Variants in LGALS9 observed in about 807,000 individuals in gnomAD.
LGALS9 encodes the protein galectin 9.
LGALS9 carries 26 observed loss-of-function variants against 35.9 expected under a neutral mutation model. The ratio of observed to expected loss-of-function variants is 0.72; its 90% CI spans 0.53 to 1.01. The LOEUF is 1.01. LGALS9 is among the 50% of genes least tolerant of loss of function. The pLI, the probability that LGALS9 is intolerant of heterozygous loss-of-function variation, is 0.00. For missense variants in LGALS9, 347 were observed against 445.8 expected, an observed-to-expected ratio of 0.78 and a Z score of 1.99; for synonymous variants, 149 against 172.2, an observed-to-expected ratio of 0.87 and a Z score of 1.06.
chr17:27,632,996 T>C (rs868027745), intron 1 of LGALS9, among the ~76,000 whole-genome samples: 5 of 151,912 alleles, frequency 3.3e-5, no homozygotes, highest in Admixed American at 2.0e-4. Flanking sequence ...ACTTCTTGTC[T>C]GGCCTCATCT....
At chr17:27,647,236 G>T in intron 9 of LGALS9, 34 bp from the exon 10 acceptor site, 1 of 1,613,452 alleles carries the variant, frequency 6.2e-7, no homozygotes, top group Non-Finnish European at 8.5e-7. Context: ...TCAGAATTCG[G>T]TGGATAAAGG....
At position 27,631,225 on chromosome 17, in the gene LGALS9, T is replaced by G. The variant is rs1187611370; in HGVS notation, c.-41T>G. The G allele has an allele frequency of 1.2e-6, 2 of 1,614,012 alleles. No homozygotes were observed. Among genetic ancestry groups the G allele is most frequent in the Non-Finnish European group, 1.7e-6 (2 of 1,179,930 alleles). ...GTTCCCTCTACAAAGGACTTCCTAG[T>G]GGGTGTGAAAGGCAGCGGTGGCCAC... On this transcript the variant is annotated 5_prime_UTR_variant, in exon 1 of 11. Coordinates refer to ENST00000395473, the MANE Select transcript of LGALS9 (RefSeq NM_009587.3).
intron 2 of LGALS9, among the ~76,000 whole-genome samples, chr17:27,640,151 A>G (rs753224920): frequency 3.9e-5 from 6 of 151,958 alleles, no homozygotes; most frequent in Non-Finnish European, 5.9e-5. Flanking sequence ...CCAATTTCAC[A>G]TGCTCTTTAC....
intron 1 of LGALS9, among the ~76,000 whole-genome samples, chr17:27,633,900 T>G (rs1308195087): frequency 6.6e-6 from 1 of 152,212 alleles, no homozygotes; most frequent in African/African-American, 2.4e-5. Flanking sequence ...GTCAAGTGAC[T>G]TGGCCAGTGT....
intron 1 of LGALS9, among the ~76,000 whole-genome samples, chr17:27,631,868 T>A (rs1285055832): frequency 1.3e-5 from 2 of 151,922 alleles, no homozygotes. Flanking sequence ...TTCATGTTAT[T>A]GGGTGTCTGA....
chr17:27,632,175 G>T (rs886292124), intron 1 of LGALS9, among the ~76,000 whole-genome samples: 4 of 151,790 alleles, frequency 2.6e-5, no homozygotes, highest in Non-Finnish European at 5.9e-5. Context: ...GTCCTGGGCC[G>T]GCTCCTGTCA....
chr17:27,645,786 G>C (rs573490933), intron 6 of LGALS9, 75 bp from the exon 7 acceptor site: 6 of 1,253,404 alleles, frequency 4.8e-6, no homozygotes, highest in African/African-American at 1.5e-5. Context: ...GGTGCCTGCC[G>C]TGTGGCGCCC....
intron 10 of LGALS9, 149 bp downstream of exon 10, chr17:27,647,581 A>ATTATTC: frequency 4.3e-6 from 5 of 1,173,062 alleles, no homozygotes; most frequent in Non-Finnish European, 4.7e-6. Flanking sequence ...ACAAATTATT[A>ATTATTC]TTATTATTAC....
At chr17:27,647,510 C>A (rs1382141161) in intron 10 of LGALS9, 78 bp downstream of exon 10, 1 of 1,576,698 alleles carries the variant, frequency 6.3e-7, no homozygotes, top group South Asian at 1.1e-5. Context: ...TTTGAGGTAC[C>A]TTGAACAGTA....
rs576069300 is a variant in LGALS9 at position 27,647,595 on chromosome 17, C to A, written c.921+163C>A. 1.7e-4 allele frequency among the ~76,000 whole-genome samples: 23 copies of A among 139,244 alleles called. No homozygotes were observed. The East Asian group carries it at 4.9e-3, about 29-fold the overall frequency. The allele number at this position is 139,244 out of a possible 152,430, so 91.3% of individuals were successfully genotyped here. A position where few individuals can be genotyped will look rare whatever the true frequency, so the allele number is the denominator to read the frequency against. ...AACAAATTATTATTATTATTACTGT[C>A]CCGCATGAAGGAAGTGCTGGGATCT... On this transcript the variant is annotated intron_variant, in intron 10 of 10. Transcript: ENST00000395473.
At chr17:27,647,201 A>G in intron 9 of LGALS9, 69 bp from the exon 10 acceptor site, 3 of 1,613,724 alleles carry the variant, frequency 1.9e-6, no homozygotes, top group South Asian at 1.1e-5. Flanking sequence ...CAGGAAGGCT[A>G]CTGATGATGG....
At chr17:27,646,885 G>T in intron 8 of LGALS9, 145 bp from the exon 9 acceptor site, 1 of 1,256,818 alleles carries the variant, frequency 8.0e-7, no homozygotes, top group Non-Finnish European at 1.1e-6. Flanking sequence ...TTAATTTGAG[G>T]AGCACTGGAA....
chr17:27,640,894 A>T, intron 3 of LGALS9, 121 bp downstream of exon 3: 1 of 1,434,636 alleles, frequency 7.0e-7, no homozygotes, highest in Non-Finnish European at 9.6e-7. Context: ...TACAGATAAC[A>T]CGCTCATTTC....
chr17:27,632,546 G>T (rs1474659193), intron 1 of LGALS9, among the ~76,000 whole-genome samples: 1 of 152,244 alleles, frequency 6.6e-6, no homozygotes, highest in Non-Finnish European at 1.5e-5. Context: ...GCTGGGGGAA[G>T]CTGGAACAGG....
chr17:27,631,213 AG>A lies in LGALS9; in HGVS notation c.-51del. The A allele has an allele frequency of 6.2e-7, 1 of 1,613,386 alleles. No homozygotes were observed. The highest frequency in any genetic ancestry group is 8.5e-7 in the Non-Finnish European group (1 of 1,179,504). On this transcript the variant is annotated 5_prime_UTR_variant, in exon 1 of 11. Coordinates refer to ENST00000395473, the MANE Select transcript of LGALS9 (RefSeq NM_009587.3). The stretch of plus-strand genomic sequence containing the variant: ...CTTTGTTAAGTCGTTCCCTCTACAA[AG>A]GACTTCCTAGTGGGTGTGAAAGGCA...
At chr17:27,633,542 G>T (rs1474252316) in intron 1 of LGALS9, among the ~76,000 whole-genome samples, 1 of 152,216 alleles carries the variant, frequency 6.6e-6, no homozygotes, top group Non-Finnish European at 1.5e-5. Flanking sequence ...GGTGTCCTCT[G>T]GTGATGCTGA....
At position 27,645,232 on chromosome 17, in the gene LGALS9, C is replaced by T. The variant is rs1388042339; in HGVS notation, c.541-82C>T. ...GGGGAGGCATTTCTGAGCACAAGAG[C>T]CTCCCTGGAGTTTTGCCACCATCTC... is the stretch of plus-strand genomic sequence containing the variant. On this transcript the variant is annotated intron_variant, in intron 5 of 10. Transcript: ENST00000395473. The T allele has an allele frequency of 3.1e-6, 5 of 1,609,188 alleles. No individual in the cohort carries two copies. The South Asian group carries it at 4.4e-5, about 14-fold the overall frequency.
At chr17:27,648,069 T>G (rs932647473) in intron 10 of LGALS9, among the ~76,000 whole-genome samples, 2 of 152,254 alleles carry the variant, frequency 1.3e-5, no homozygotes, top group African/African-American at 4.8e-5. Context: ...GAAATATCAG[T>G]GCTGGGACCC....
At chr17:27,636,833 GA>G (rs903000262) in intron 1 of LGALS9, among the ~76,000 whole-genome samples, 10 of 149,406 alleles carry the variant, frequency 6.7e-5, no homozygotes, top group South Asian at 6.3e-4. Context: ...AAGTTTTATA[GA>G]AAAAAAAAAT....
Sources: allele counts gnomAD v4.1 joint callset (sites outside exome capture counted in the v4.1 genomes callset), GRCh38; gene constraint gnomAD v4.1.1; transcripts MANE v1.5; gene names NCBI Gene and HGNC (gene_info 2026-07-23, HGNC 2026-07-21).